Variants in DRC11 observed in about 807,000 individuals in gnomAD.
The protein encoded by DRC11 is dynein regulatory complex subunit 11.
the DRC11 span, among the ~76,000 whole-genome samples, chr2:236,317,541 A>G: frequency 1.3e-5 from 2 of 152,194 alleles, no homozygotes; most frequent in African/African-American, 4.8e-5. The surrounding 1 kb of genome is among the most constrained non-coding windows in gnomAD (Gnocchi z 5.4). Flanking sequence ...AAATCAGGAC[A>G]ATAGTTGCCT....
At chr2:236,449,480 C>G in the DRC11 span, among the ~76,000 whole-genome samples, 2 of 152,144 alleles carry the variant, frequency 1.3e-5, no homozygotes, top group African/African-American at 2.4e-5. This position sits in a 1 kb window ranked among gnomAD's most constrained non-coding sequence, Gnocchi z 5.1. Context: ...ATTTCCTTAT[C>G]GTACCTGGAA....
the DRC11 span, among the ~76,000 whole-genome samples, chr2:236,318,258 T>C: frequency 6.6e-6 from 1 of 152,118 alleles, no homozygotes; most frequent in African/African-American, 2.4e-5. This position sits in a 1 kb window ranked among gnomAD's most constrained non-coding sequence, Gnocchi z 7.0. Context: ...ATGTAAACAG[T>C]AAACACATCC....
the DRC11 span, chr2:236,338,412 A>G: frequency 1.9e-6 from 3 of 1,569,244 alleles, no homozygotes; most frequent in Non-Finnish European, 2.6e-6. Context: ...ATTGGTCCAC[A>G]TATAGAAAAA....
At chr2:236,344,908 A>G in the DRC11 span, among the ~76,000 whole-genome samples, 8 of 133,374 alleles carry the variant, frequency 6.0e-5, no homozygotes, top group South Asian at 2.5e-4. Context: ...CCCTGGTTGT[A>G]AACGTGCTTC....
the DRC11 span, among the ~76,000 whole-genome samples, chr2:236,329,536 C>T: frequency 1.3e-5 from 2 of 152,232 alleles, no homozygotes; most frequent in Admixed American, 1.3e-4. Context: ...GCAAGGTCTT[C>T]ATCTGAGATA....
the DRC11 span, among the ~76,000 whole-genome samples, chr2:236,459,629 G>GTATATATATACA: frequency 2.7e-4 from 25 of 91,958 alleles, no homozygotes; most frequent in South Asian, 5.6e-4. Flanking sequence ...ATATACATAC[G>GTATATATATACA]TATATACGTA....
chr2:236,453,856 G>T, the DRC11 span, among the ~76,000 whole-genome samples: 10 of 152,226 alleles, frequency 6.6e-5, no homozygotes, highest in East Asian at 1.5e-3. This position sits in a 1 kb window ranked among gnomAD's most constrained non-coding sequence, Gnocchi z 4.9. Flanking sequence ...TGGCCAGGCT[G>T]GTCTCGAACT....
At chr2:236,453,003 G>C in the DRC11 span, among the ~76,000 whole-genome samples, 2 of 152,164 alleles carry the variant, frequency 1.3e-5, no homozygotes, top group African/African-American at 4.8e-5. This position sits in a 1 kb window ranked among gnomAD's most constrained non-coding sequence, Gnocchi z 4.9. Flanking sequence ...CAGAGAAGAA[G>C]AGAGTACCTT....
At chr2:236,447,839 A>G in the DRC11 span, among the ~76,000 whole-genome samples, 1 of 128,426 alleles carries the variant, frequency 7.8e-6, no homozygotes, top group Non-Finnish European at 1.5e-5. The surrounding 1 kb of genome is among the most constrained non-coding windows in gnomAD (Gnocchi z 4.6). Context: ...GTCGGCTTGG[A>G]CCTTGCCTGT....
the DRC11 span, among the ~76,000 whole-genome samples, chr2:236,451,376 T>TAC: frequency 6.6e-6 from 1 of 151,712 alleles, no homozygotes; most frequent in African/African-American, 2.4e-5. Flanking sequence ...TATATATATA[T>TAC]AGATATATAT....
the DRC11 span, among the ~76,000 whole-genome samples, chr2:236,327,511 C>T: frequency 7.9e-5 from 12 of 151,898 alleles, no homozygotes; most frequent in Non-Finnish European, 1.5e-4. Context: ...TCCCAAAGTG[C>T]TGGGCTTACA....
chr2:236,466,244 T>G, the DRC11 span, among the ~76,000 whole-genome samples: 1 of 152,250 alleles, frequency 6.6e-6, no homozygotes, highest in Non-Finnish European at 1.5e-5. Flanking sequence ...CATTTCTATC[T>G]GTCTAGAATT....
At chr2:236,394,491 TGTG>T in the DRC11 span, among the ~76,000 whole-genome samples, 2 of 151,796 alleles carry the variant, frequency 1.3e-5, no homozygotes, top group Non-Finnish European at 2.9e-5. The surrounding 1 kb of genome is among the most constrained non-coding windows in gnomAD (Gnocchi z 7.0). Context: ...ATTAGCCAGG[TGTG>T]GTGGCGTGCA....
chr2:236,343,935 C>G, the DRC11 span, among the ~76,000 whole-genome samples: 1 of 152,260 alleles, frequency 6.6e-6, no homozygotes, highest in Admixed American at 6.5e-5. This position sits in a 1 kb window ranked among gnomAD's most constrained non-coding sequence, Gnocchi z 6.6. Context: ...TGATTAAAAT[C>G]CTTATGAATT....
chr2:236,421,738 C>T, the DRC11 span, among the ~76,000 whole-genome samples: 1 of 152,156 alleles, frequency 6.6e-6, no homozygotes, highest in African/African-American at 2.4e-5. Flanking sequence ...GATACCAAAG[C>T]CTGGCAGAGA....
chr2:236,421,349 T>C, the DRC11 span, among the ~76,000 whole-genome samples: 1 of 152,010 alleles, frequency 6.6e-6, no homozygotes, highest in South Asian at 2.1e-4. Flanking sequence ...AAGAATCAAA[T>C]AGATGCAATA....
the DRC11 span, among the ~76,000 whole-genome samples, chr2:236,330,126 T>C: frequency 2.0e-5 from 3 of 152,180 alleles, no homozygotes; most frequent in South Asian, 2.1e-4. The surrounding 1 kb of genome is among the most constrained non-coding windows in gnomAD (Gnocchi z 5.5). Flanking sequence ...TATGAACAGG[T>C]TTAAACAGTT....
the DRC11 span, among the ~76,000 whole-genome samples, chr2:236,436,450 A>G: frequency 6.6e-6 from 1 of 152,152 alleles, no homozygotes; most frequent in Admixed American, 6.5e-5. Flanking sequence ...CAATTTCTTT[A>G]GTAATTTGTG....
the DRC11 span, among the ~76,000 whole-genome samples, chr2:236,309,661 A>T: frequency 6.6e-6 from 1 of 152,194 alleles, no homozygotes; most frequent in Non-Finnish European, 1.5e-5. The surrounding 1 kb of genome is among the most constrained non-coding windows in gnomAD (Gnocchi z 5.7). Context: ...AGAATAAGAG[A>T]TTTCTGACAC....
Sources: gnomAD v4.1 joint callset for allele counts (sites outside exome capture counted in the v4.1 genomes callset) on GRCh38, gnomAD v4.1.1 for gene constraint, Gnocchi (gnomAD v3.1) non-coding constraint, MANE v1.5 for transcripts, NCBI Gene and HGNC (gene_info 2026-07-23, HGNC 2026-07-21) for gene names.